Variants in HECA observed in about 807,000 individuals in gnomAD.
The protein encoded by HECA is headcase protein homolog.
A neutral mutation model predicts 37.6 loss-of-function variants in HECA; 13 were observed. The ratio of observed to expected loss-of-function variants is 0.35; its 90% CI spans 0.23 to 0.55. The LOEUF is 0.55. Ranked by LOEUF, HECA falls within the 20% of genes least tolerant of loss-of-function variation. HECA has a pLI of 0.90. For missense variants in HECA, 527 were observed against 701.9 expected (o/e 0.75, Z 2.82); for synonymous variants, 307 against 291.5 (o/e 1.05, Z -0.54).
intron 1 of HECA, among the ~76,000 whole-genome samples, chr6:139,150,621 A>G (rs1336072130): frequency 6.6e-6 from 1 of 151,856 alleles, no homozygotes; most frequent in Non-Finnish European, 1.5e-5. Flanking sequence ...ATATAATCAT[A>G]GGTAATATAA....
intron 1 of HECA, among the ~76,000 whole-genome samples, chr6:139,154,547 A>G (rs1401971664): frequency 6.6e-6 from 1 of 152,230 alleles, no homozygotes; most frequent in Admixed American, 6.5e-5. Context: ...CTAACCGGTA[A>G]CTGGTCTACG....
chr6:139,164,778 C>G (rs1277746637), intron 1 of HECA, among the ~76,000 whole-genome samples: 1 of 151,966 alleles, frequency 6.6e-6, no homozygotes, highest in Non-Finnish European at 1.5e-5. Context: ...GTAAGCCACA[C>G]TAACCTCCCC....
In HECA at chr6:139,175,987, A is replaced by G. The variant is rs551886530; in HGVS notation, c.1468-954A>G. On this transcript the variant is annotated intron_variant, in intron 3 of 3. Coordinates refer to ENST00000367658, the MANE Select transcript of HECA (RefSeq NM_016217.3). ...AGTGTTAGACGCTACTAATGAATCA[A>G]GGGAAGTCTTCAATAAGATGTAGCC... Among the ~76,000 whole-genome samples, 4 of 152,390 alleles carry G rather than the reference A, an allele frequency of 2.6e-5. No homozygotes were observed. The South Asian group carries it at 8.3e-4, about 32-fold the overall frequency.
At chr6:139,168,077 T>A (rs2114477452) in intron 2 of HECA, among the ~76,000 whole-genome samples, 1 of 152,330 alleles carries the variant, frequency 6.6e-6, no homozygotes, top group African/African-American at 2.4e-5. Context: ...ACCTGTCTCC[T>A]TCCCACCAAC....
chr6:139,180,108 T>C lies in HECA; in HGVS notation c.*3003T>C, dbSNP rs1170022051. ...GACATGGTGCCATGAAGTTGGGGAG[T>C]TGGGTGAATTATCCCATTCTAGTTA... On this transcript the variant is annotated 3_prime_UTR_variant, in exon 4 of 4. Transcript: ENST00000367658. 1.3e-5 allele frequency: 2 copies of C among 152,060 alleles called. No homozygotes were observed. Among genetic ancestry groups the C allele is most frequent in the African/African-American group, 2.4e-5 (1 of 41,414 alleles). 9.4% of individuals were successfully genotyped at this position (152,060 alleles called of 1,614,324 possible).
intron 1 of HECA, among the ~76,000 whole-genome samples, chr6:139,154,961 ATTGT>A (rs1277296548): frequency 6.6e-6 from 1 of 152,194 alleles, no homozygotes; most frequent in Admixed American, 6.5e-5. Context: ...TAAAAATAGG[ATTGT>A]TTAACAACTG....
At chr6:139,174,600 T>G (rs1775025003) in intron 3 of HECA, 61 bp downstream of exon 3, 1 of 1,573,414 alleles carries the variant, frequency 6.4e-7, no homozygotes, top group African/African-American at 1.4e-5. Flanking sequence ...CCCAAGTGAA[T>G]GTAGGGAAGA....
chr6:139,173,476 T>G (rs1775005134), intron 2 of HECA, among the ~76,000 whole-genome samples: 1 of 152,190 alleles, frequency 6.6e-6, no homozygotes, highest in South Asian at 2.1e-4. Flanking sequence ...TGATCCTTAC[T>G]ACTGAGTGCT....
intron 1 of HECA, among the ~76,000 whole-genome samples, chr6:139,163,014 G>T (rs774838437): frequency 6.6e-6 from 1 of 152,162 alleles, no homozygotes; most frequent in Non-Finnish European, 1.5e-5. Flanking sequence ...TCACCTCACT[G>T]TCTACCTCTG....
At position 139,176,401 on chromosome 6, in the gene HECA, A is replaced by AT. The variant is rs1006347075; in HGVS notation, c.1468-538dup. 7.2e-5 allele frequency among the ~76,000 whole-genome samples: 11 copies of AT among 152,196 alleles called. No individual in the cohort carries two copies. Among genetic ancestry groups the AT allele is most frequent in the African/African-American group, 2.7e-4 (11 of 41,442 alleles). On this transcript the variant is annotated intron_variant, in intron 3 of 3. Coordinates refer to ENST00000367658, the MANE Select transcript of HECA (RefSeq NM_016217.3). The surrounding 1 kb of genome is among the most constrained non-coding windows in gnomAD (Gnocchi z 4.5). ...GGTTATTCACTTAAGTCCTGGACCC[A>AT]TTGCTGAAAGGTTCCAGGACTGTGC...
chr6:139,152,418 A>ATTGTGTGTGTGTGTGTG (rs1554217507), intron 1 of HECA, among the ~76,000 whole-genome samples: 1 of 147,428 alleles, frequency 6.8e-6, no homozygotes, highest in Admixed American at 6.8e-5. Context: ...GAAGCATTGG[A>ATTGTGTGTGTGTGTGTG]TGTGTGTGTG....
At chr6:139,163,211 T>C (rs543864520) in intron 1 of HECA, among the ~76,000 whole-genome samples, 27 of 152,300 alleles carry the variant, frequency 1.8e-4, no homozygotes, top group African/African-American at 6.5e-4. Flanking sequence ...CTCTACGGGA[T>C]GGACAGTGAG....
intron 2 of HECA, among the ~76,000 whole-genome samples, chr6:139,171,978 C>T (rs146638043): frequency 1.3e-3 from 195 of 152,046 alleles, no homozygotes; most frequent in African/African-American, 4.4e-3. Flanking sequence ...CTACAGGCGC[C>T]GCCACCACGC....
chr6:139,180,711 T>C lies in HECA; in HGVS notation c.*3606T>C, dbSNP rs41289809. 4.0e-3 allele frequency: 614 copies of C among 152,782 alleles called. 2 individuals carry two copies. Among genetic ancestry groups the C allele is most frequent in the Middle Eastern group, 0.014 (4 of 294 alleles). The allele number at this position is 152,782 out of a possible 1,614,324, so 9.5% of individuals were successfully genotyped here. A position where few individuals can be genotyped will look rare whatever the true frequency, so the allele number is the denominator to read the frequency against. On this transcript the variant is annotated 3_prime_UTR_variant, in exon 4 of 4. Coordinates refer to ENST00000367658, the MANE Select transcript of HECA (RefSeq NM_016217.3). The stretch of plus-strand genomic sequence containing the variant: ...AAATAGTTAAAGAATGTTGATAAAA[T>C]TGAAACATTTGGTTGTGGAATTGTG...
rs754462354 is a variant in HECA at position 139,166,326 on chromosome 6, C to T, written c.314C>T (p.Pro105Leu). The change falls in exon 2 of 4, where the codon CCG (proline) becomes CTG (leucine). Residue 105 changes from proline to leucine, a missense_variant. By Grantham distance (98) the Pro-to-Leu change is moderately conservative. Around this residue, in one of 4 missense-constraint regions of HECA, gnomAD observed 172 missense variants for 197.6 expected, o/e 0.87. Transcript: ENST00000367658. ...ATPLICSFGR[P>L]VDLEKDDYQK... is the part of the protein sequence containing the mutation. ...CCCCTGATCTGCAGCTTCGGTAGGC[C>T]GGTGGACCTGGAGAAGGACGACTAC... 1.2e-5 allele frequency: 19 copies of T among 1,612,452 alleles called. No homozygotes were observed. The highest frequency in any genetic ancestry group is 1.6e-4 in the Middle Eastern group (1 of 6,076).
chr6:139,160,486 T>G (rs1643238216), intron 1 of HECA, among the ~76,000 whole-genome samples: 1 of 152,248 alleles, frequency 6.6e-6, no homozygotes, highest in Non-Finnish European at 1.5e-5. Flanking sequence ...TTGCCGAGGC[T>G]CACTGCAGCC....
chr6:139,147,481 C>T (rs148294137), intron 1 of HECA, among the ~76,000 whole-genome samples: 1 of 151,910 alleles, frequency 6.6e-6, no homozygotes, highest in Non-Finnish European at 1.5e-5. Flanking sequence ...AAAAATTAGC[C>T]GGATGTGGTG....
At chr6:139,158,079 A>G (rs1035144912) in intron 1 of HECA, among the ~76,000 whole-genome samples, 1 of 152,196 alleles carries the variant, frequency 6.6e-6, no homozygotes, top group African/African-American at 2.4e-5. Context: ...GTGCTTGGCC[A>G]GGTGCAGTGG....
Position 139,166,933 on chromosome 6 carries a change from C to T in HECA, c.921C>T (p.His307=). 1 of 1,614,184 alleles carries T rather than the reference C, an allele frequency of 6.2e-7. No individual in the cohort carries two copies. The highest frequency in any genetic ancestry group is 8.5e-7 in the Non-Finnish European group (1 of 1,180,024). Residue 307 remains histidine, a synonymous_variant, in exon 2 of 4, where the codon CAC becomes CAT. Coordinates refer to ENST00000367658, the MANE Select transcript of HECA (RefSeq NM_016217.3). ...AGAACGCCATCCATCTGGAGCCTCACAAGAAGGCCATGGCTGGGGGCCATG... is the reference window on the plus strand; with the variant it reads ...AGAACGCCATCCATCTGGAGCCTCATAAGAAGGCCATGGCTGGGGGCCATG... ...FLKNAIHLEP[H]KKAMAGGHVF...
Sources: gnomAD v4.1 joint callset for allele counts (sites outside exome capture counted in the v4.1 genomes callset) on GRCh38, gnomAD v4.1.1 for gene constraint, gnomAD v4.1.1 regional missense constraint, Gnocchi (gnomAD v3.1) non-coding constraint, MANE v1.5 for transcripts, NCBI Gene and HGNC (gene_info 2026-07-23, HGNC 2026-07-21) for gene names.